Variants in ADGRE3 observed in about 807,000 individuals in gnomAD.
The protein encoded by ADGRE3 is adhesion G protein-coupled receptor E3, also known as EGF-like module receptor 3.
In ADGRE3, 88 loss-of-function variants were observed where a neutral mutation model predicts 80.1. That is an observed-to-expected ratio of 1.10 (90% CI 0.93 to 1.31). The LOEUF (loss-of-function observed/expected upper bound fraction) is 1.31, where lower values mean the gene tolerates loss of function less well. ADGRE3 is among the 40% of genes most tolerant of loss of function. The pLI is 0.00. For missense variants in ADGRE3, 715 were observed against 776.5 expected, an observed-to-expected ratio of 0.92 and a Z score of 0.94; for synonymous variants, 281 against 294.8, an observed-to-expected ratio of 0.95 and a Z score of 0.48.
intron 4 of ADGRE3, 83 bp downstream of exon 4, chr19:14,661,880 G>C: frequency 1.4e-6 from 2 of 1,479,014 alleles, no homozygotes; most frequent in South Asian, 2.4e-5. Context: ...GCGAGACTCT[G>C]TCTCAAAACA....
intron 2 of ADGRE3, among the ~76,000 whole-genome samples, chr19:14,666,076 A>G (rs1972099745): frequency 6.7e-6 from 1 of 148,392 alleles, no homozygotes; most frequent in South Asian, 2.1e-4. Context: ...TTGTGCAAGT[A>G]TGTTTTTTGT....
chr19:14,601,952 C>G, the ADGRE3 span, among the ~76,000 whole-genome samples: 3 of 151,988 alleles, frequency 2.0e-5, no homozygotes, highest in Admixed American at 1.3e-4. Flanking sequence ...GCCACCACAC[C>G]CAGCTAATTT....
intron 11 of ADGRE3, among the ~76,000 whole-genome samples, chr19:14,636,472 G>A (rs112420534): frequency 0.12 from 18,415 of 151,670 alleles, 1,224 homozygotes; most frequent in African/African-American, 0.18. Context: ...CTCCCAAAGC[G>A]CTGGGATTAC....
chr19:14,673,166 T>C (rs1972302351), intron 1 of ADGRE3, among the ~76,000 whole-genome samples: 1 of 152,210 alleles, frequency 6.6e-6, no homozygotes, highest in South Asian at 2.1e-4. Context: ...AGGATTTAAG[T>C]GTAGCTTGTA....
At chr19:14,615,298 C>G (rs1443808544), downstream of ADGRE3, among the ~76,000 whole-genome samples, 3 of 147,166 alleles carry the variant, frequency 2.0e-5, no homozygotes, top group African/African-American at 7.5e-5. Context: ...ACTTCCATCT[C>G]CCACCCCAGC....
chr19:14,653,285 TA>T (rs1204967216), intron 6 of ADGRE3, among the ~76,000 whole-genome samples: 2 of 152,058 alleles, frequency 1.3e-5, no homozygotes, highest in African/African-American at 4.8e-5. Flanking sequence ...CCCACAATGT[TA>T]ATTTCATCAT....
chr19:14,626,085 TTATATTA>T (rs1970731592), intron 14 of ADGRE3, among the ~76,000 whole-genome samples: 1 of 150,486 alleles, frequency 6.6e-6, no homozygotes, highest in African/African-American at 2.5e-5. Flanking sequence ...AAGGTAAATT[TTATATTA>T]TATATGTTTT....
At chr19:14,671,431 T>C (rs1398271395) in intron 1 of ADGRE3, among the ~76,000 whole-genome samples, 1 of 152,156 alleles carries the variant, frequency 6.6e-6, no homozygotes, top group Non-Finnish European at 1.5e-5. Flanking sequence ...CTTCTCGTCT[T>C]CCTGATCTTC....
At chr19:14,651,433 G>A (rs1971605453) in intron 6 of ADGRE3, among the ~76,000 whole-genome samples, 1 of 152,074 alleles carries the variant, frequency 6.6e-6, no homozygotes, top group Non-Finnish European at 1.5e-5. Flanking sequence ...GAATGTCTAG[G>A]ATGTGTCGGG....
At chr19:14,666,584 C>T (rs2146906440) in intron 2 of ADGRE3, among the ~76,000 whole-genome samples, 1 of 152,110 alleles carries the variant, frequency 6.6e-6, no homozygotes, top group East Asian at 1.9e-4. Context: ...ACCATGTTGG[C>T]CAAGCTGGTC....
At chr19:14,656,919 G>A (rs1184720897) in intron 5 of ADGRE3, among the ~76,000 whole-genome samples, 2 of 152,048 alleles carry the variant, frequency 1.3e-5, no homozygotes, top group Non-Finnish European at 2.9e-5. Flanking sequence ...TTTTTGAGAT[G>A]GAGTCTTACT....
rs760660949 is a variant in ADGRE3, at chr19:14,638,222, T to G, written c.1367A>C (p.Tyr456Ser). 5.6e-6 allele frequency: 9 copies of G among 1,613,902 alleles called. No individual in the cohort carries two copies. The Admixed American group carries it at 1.5e-4, about 27-fold the overall frequency. The change falls in exon 11 of 16, where the codon TAC (tyrosine) becomes TCC (serine). Residue 456 changes from tyrosine to serine, a missense_variant. By Grantham distance (144) the Tyr-to-Ser change is moderately radical. Coordinates refer to ENST00000253673, the MANE Select transcript of ADGRE3 (RefSeq NM_032571.5). ...CTTCATGAGTCTATTGATGCTTGAG[T>G]AGTTGACCACTGTCAGGTTCCGTGC... is the stretch of plus-strand genomic sequence containing the variant. ...LTARNLTVVN[Y>S]SSINRLMKWI...
At position 14,623,297 on chromosome 19, in the gene ADGRE3, AAT is replaced by A. The variant is rs1491537733; in HGVS notation, c.1920+2193_1920+2194del. On this transcript the variant is annotated intron_variant, in intron 15 of 15. Transcript: ENST00000253673. Reference sequence around the variant, plus strand: ...TGCCTAAAATACTTAAAAAAAAAAAAATAAAAAAAAAAAAAAATAAAACTCCT... The same window carrying A: ...TGCCTAAAATACTTAAAAAAAAAAAAAAAAAAAAAAAAAAATAAAACTCCT... Among the ~76,000 whole-genome samples, 427 of 123,998 alleles carry A rather than the reference AAT, an allele frequency of 3.4e-3. 82 individuals carry two copies. The highest frequency in any genetic ancestry group is 0.02 in the East Asian group (79 of 3,916). 81.3% of individuals were successfully genotyped at this position (123,998 alleles called of 152,430 possible). A position where few individuals can be genotyped will look rare whatever the true frequency, so the allele number is the denominator to read the frequency against.
At chr19:14,625,811 G>C (rs1460764591) in intron 14 of ADGRE3, among the ~76,000 whole-genome samples, 3 of 152,144 alleles carry the variant, frequency 2.0e-5, no homozygotes, top group Non-Finnish European at 2.9e-5. Context: ...AGGACATCAG[G>C]CTAAGCGAAA....
rs112321809 is a variant in ADGRE3, at chr19:14,631,072, A to T, written c.1644-865T>A. Among the ~76,000 whole-genome samples the T allele has an allele frequency of 2.7e-3, 417 of 152,056 alleles. 2 individuals are homozygous for T. The highest frequency in any genetic ancestry group is 9.5e-3 in the African/African-American group (394 of 41,490). On this transcript the variant is annotated intron_variant, in intron 13 of 15. Coordinates refer to ENST00000253673, the MANE Select transcript of ADGRE3 (RefSeq NM_032571.5). ...TTTTTAGTAGAGAAGGGGTTTCACC[A>T]TGTTGGCCAGGCTGGTCTCGAACGA...
intron 7 of ADGRE3, among the ~76,000 whole-genome samples, chr19:14,649,210 C>A (rs1341741528): frequency 6.6e-5 from 10 of 150,550 alleles, no homozygotes; most frequent in African/African-American, 2.4e-4. Context: ...CTTTTCATCT[C>A]TCTCTCCCCA....
chr19:14,653,192 G>C (rs1397943808), intron 6 of ADGRE3, among the ~76,000 whole-genome samples: 2 of 151,956 alleles, frequency 1.3e-5, no homozygotes, highest in Non-Finnish European at 2.9e-5. Context: ...TGGCCAGGCT[G>C]ATCTCGAACT....
intron 4 of ADGRE3, among the ~76,000 whole-genome samples, chr19:14,660,303 T>C (rs1184424101): frequency 6.6e-6 from 1 of 152,218 alleles, no homozygotes; most frequent in African/African-American, 2.4e-5. Flanking sequence ...GCTTCTACAC[T>C]GTCAATAGAG....
chr19:14,620,505 A>C (rs547565905), intron 15 of ADGRE3, among the ~76,000 whole-genome samples: 23 of 46,354 alleles, frequency 5.0e-4, no homozygotes, highest in African/African-American at 1.8e-3. Flanking sequence ...GAATATATGA[A>C]TATATTATGA....
Sources: allele counts gnomAD v4.1 joint callset (sites outside exome capture counted in the v4.1 genomes callset), GRCh38; gene constraint gnomAD v4.1.1; transcripts MANE v1.5; gene names NCBI Gene and HGNC (gene_info 2026-07-23, HGNC 2026-07-21).